Variants in IL12RB1 observed in about 807,000 individuals in gnomAD.
IL12RB1 encodes the protein interleukin 12 receptor subunit beta 1.
In IL12RB1, 64 loss-of-function variants were observed where a neutral mutation model predicts 94.4. That is an observed-to-expected ratio of 0.68 (90% CI 0.55 to 0.83). The LOEUF (loss-of-function observed/expected upper bound fraction) is 0.83, where lower values mean the gene tolerates loss of function less well. Among genes scored for constraint, IL12RB1 ranks in the 40% least tolerant of loss-of-function variants. IL12RB1 has a pLI of 0.00. For synonymous variants in IL12RB1, 362 were observed against 355.5 expected (o/e 1.02, Z -0.21); for missense variants, 814 against 855.6 (o/e 0.95, Z 0.61).
At chr19:18,076,763 G>C (rs2035509923) in intron 5 of IL12RB1, among the ~76,000 whole-genome samples, 1 of 152,040 alleles carries the variant, frequency 6.6e-6, no homozygotes, top group East Asian at 1.9e-4. Context: ...TTAATTACTA[G>C]AGAACCTTCT....
In IL12RB1 at chr19:18,086,811, C is replaced by A. The variant is rs1568526239; in HGVS notation, c.13G>T (p.Val5Leu). ...AAGAGGAGGGGGACCACCCAGGTCA[C>A]CAGCGGCTCCATCGGATCCACGTAG... Reference protein sequence around the residue: MEPLVTWVVPLLFLF... With the variant: MEPLLTWVVPLLFLF... Residue 5 changes from valine to leucine, a missense_variant, in exon 1 of 17, where the codon GTG becomes TTG. By Grantham distance (32) the Val-to-Leu change is conservative (BLOSUM62 1). Transcript: ENST00000593993. 6.2e-7 allele frequency: 1 copy of A among 1,611,184 alleles called. No individual in the cohort carries two copies. Among genetic ancestry groups the A allele is most frequent in the Non-Finnish European group, 8.5e-7 (1 of 1,179,176 alleles).
At chr19:18,075,407 C>T (rs2035392786) in intron 7 of IL12RB1, among the ~76,000 whole-genome samples, 1 of 151,306 alleles carries the variant, frequency 6.6e-6, no homozygotes, top group African/African-American at 2.4e-5. Flanking sequence ...ATTACAGGCT[C>T]CCGCCACCAC....
chr19:18,086,882 G>A lies in IL12RB1; in HGVS notation c.-59C>T. Reference sequence around the variant, plus strand: ...GCCTCTCTGCCACCTGCGAGGTTCAGCCACCCCGTCCCCACTCCGGAACAC... The same window carrying A: ...GCCTCTCTGCCACCTGCGAGGTTCAACCACCCCGTCCCCACTCCGGAACAC... On this transcript the variant is annotated 5_prime_UTR_variant, in exon 1 of 17. Transcript: ENST00000593993. The A allele has an allele frequency of 1.9e-6, 3 of 1,582,948 alleles. No individual in the cohort carries two copies. Among genetic ancestry groups the A allele is most frequent in the Non-Finnish European group, 2.6e-6 (3 of 1,163,860 alleles).
At position 18,082,173 on chromosome 19, in the gene IL12RB1, C is replaced by G. The variant is rs1244237988; in HGVS notation, c.216G>C (p.Gly72=). ...CSWQYEGPTA[G]VSHFLRCCLS... is the part of the protein sequence containing the mutation. ...ACCAACACCGCAGGAAGTGGCTGAC[C>G]CCAGCTGTGGGACCCTCATACTGCC... The change falls in exon 3 of 17, where the codon GGG becomes GGC. Residue 72 remains glycine, a synonymous_variant. Coordinates refer to ENST00000593993, the MANE Select transcript of IL12RB1 (RefSeq NM_005535.3). The G allele has an allele frequency of 6.2e-7, 1 of 1,612,196 alleles. No individual in the cohort carries two copies. The highest frequency in any genetic ancestry group is 1.7e-5 in the Admixed American group (1 of 59,974).
intron 14 of IL12RB1, among the ~76,000 whole-genome samples, chr19:18,061,642 C>T (rs1026207440): frequency 4.6e-5 from 7 of 152,036 alleles, no homozygotes; most frequent in African/African-American, 1.7e-4. Context: ...CATAGGATCA[C>T]CTGAGGTCAG....
intron 1 of IL12RB1, among the ~76,000 whole-genome samples, chr19:18,096,084 C>T (rs1181666999): frequency 1.3e-5 from 2 of 151,988 alleles, no homozygotes; most frequent in Non-Finnish European, 2.9e-5. Context: ...AAAAATTAGC[C>T]AGGCATGGTG....
At chr19:18,064,130 C>CTTTA in intron 12 of IL12RB1, 120 bp from the exon 13 acceptor site, 1 of 461,898 alleles carries the variant, frequency 2.2e-6, no homozygotes, top group Non-Finnish European at 3.9e-6. Flanking sequence ...AATCTCTACT[C>CTTTA]TTTCTTTCTT....
chr19:18,076,403 T>G, intron 5 of IL12RB1, 76 bp from the exon 6 acceptor site: 1 of 766,180 alleles, frequency 1.3e-6, no homozygotes, highest in South Asian at 1.4e-5. Context: ...AATTAGTTAT[T>G]TATTTACTTA....
At chr19:18,090,695 G>A (rs1257192151), upstream of IL12RB1, 1 of 152,394 alleles carries the variant, frequency 6.6e-6, no homozygotes, top group Non-Finnish European at 1.5e-5. Flanking sequence ...TTGGCTTGCA[G>A]TGAGCGCTGT....
chr19:18,085,093 T>G (rs552270681), intron 1 of IL12RB1, among the ~76,000 whole-genome samples: 1 of 152,266 alleles, frequency 6.6e-6, no homozygotes, highest in African/African-American at 2.4e-5. Flanking sequence ...TGCCACAGTC[T>G]GCTAGGTGTG....
At chr19:18,060,315 C>T (rs1340152714) in intron 15 of IL12RB1, among the ~76,000 whole-genome samples, 8 of 152,130 alleles carry the variant, frequency 5.3e-5, no homozygotes, top group Admixed American at 2.6e-4. Flanking sequence ...CCCATCTCTA[C>T]TAAAAATACA....
chr19:18,088,342 C>T (rs184660708), upstream of IL12RB1, among the ~76,000 whole-genome samples: 157 of 149,800 alleles, frequency 1.0e-3, 2 homozygotes, highest in Middle Eastern at 3.4e-3. Flanking sequence ...GCCGAGATCG[C>T]GCCACTGCAC....
At position 18,059,901 on chromosome 19, in the gene IL12RB1, T is replaced by G; in HGVS notation, c.1976A>C (p.Lys659Thr). Residue 659 changes from lysine to threonine, a missense_variant, in exon 16 of 17, where the codon AAG becomes ACG. Coordinates refer to ENST00000593993, the MANE Select transcript of IL12RB1 (RefSeq NM_005535.3). ...CCCACTGGGCCCCAGGACCTTGGCC[T>G]TGCACCTGTCTCCATCCTCCAAGGA... ...ELSLEDGDRC[K>T]AKM The G allele has an allele frequency of 6.4e-7, 1 of 1,572,452 alleles. No individual in the cohort carries two copies. The highest frequency in any genetic ancestry group is 8.6e-7 in the Non-Finnish European group (1 of 1,157,662).
At chr19:18,074,969 G>A (rs1302163911) in intron 7 of IL12RB1, among the ~76,000 whole-genome samples, 2 of 148,278 alleles carry the variant, frequency 1.3e-5, no homozygotes, top group Non-Finnish European at 3.0e-5. Context: ...GGACAATGGC[G>A]TGAACCCGGG....
intron 7 of IL12RB1, among the ~76,000 whole-genome samples, chr19:18,075,158 G>A (rs1385502891): frequency 6.6e-6 from 1 of 151,634 alleles, no homozygotes; most frequent in Non-Finnish European, 1.5e-5. Flanking sequence ...CAGGGTTTGA[G>A]CACCCATTTC....
chr19:18,061,206 G>T lies in IL12RB1; in HGVS notation c.1716-9C>A. On this transcript the variant is annotated splice_polypyrimidine_tract_variant and intron_variant, in intron 14 of 16. Coordinates refer to ENST00000593993, the MANE Select transcript of IL12RB1 (RefSeq NM_005535.3). ...ACAGGTGCCGTGCGGCCCTGGGGAGGAAAGGGGACCAGTGAGAGGAGCTGA... is the reference window on the plus strand; with the variant it reads ...ACAGGTGCCGTGCGGCCCTGGGGAGTAAAGGGGACCAGTGAGAGGAGCTGA... 1 of 1,486,614 alleles carries T rather than the reference G, an allele frequency of 6.7e-7. No homozygotes were observed. Among genetic ancestry groups the T allele is most frequent in the Non-Finnish European group, 9.2e-7 (1 of 1,084,024 alleles). The allele number at this position is 1,486,614 out of a possible 1,614,324, so 92.1% of individuals were successfully genotyped here. A position where few individuals can be genotyped will look rare whatever the true frequency, so the allele number is the denominator to read the frequency against.
chr19:18,093,342 A>ATATATATATATATATATATT (rs770713233), intron 1 of IL12RB1, among the ~76,000 whole-genome samples: 35 of 149,828 alleles, frequency 2.3e-4, no homozygotes, highest in African/African-American at 8.0e-4. Flanking sequence ...ATATATATAT[A>ATATATATATATATATATATT]TATATACTTG....
rs1195319275 is a variant in IL12RB1, at chr19:18,086,773, C to A, written c.51G>T (p.Leu17=). Residue 17 remains leucine, a synonymous_variant, in exon 1 of 17, where the codon CTG becomes CTT. Coordinates refer to ENST00000593993, the MANE Select transcript of IL12RB1 (RefSeq NM_005535.3). ...CAGGGGACTCACCGCCCTGCCTGGA[C>A]AGCAGGAAGAGGAAGAGGAGGGGGA... is the stretch of plus-strand genomic sequence containing the variant. ...WVVPLLFLFL[L]SRQGAACRTS... 1.9e-6 allele frequency: 3 copies of A among 1,611,224 alleles called. No homozygotes were observed. The African/African-American group carries it at 4.0e-5, about 22-fold the overall frequency.
At chr19:18,061,755 T>C (rs17878305) in intron 14 of IL12RB1, among the ~76,000 whole-genome samples, 8 of 151,550 alleles carry the variant, frequency 5.3e-5, no homozygotes, top group Non-Finnish European at 7.4e-5. Flanking sequence ...CCCAGCTACT[T>C]GGGAGGCTGA....
Sources: gnomAD v4.1 joint callset for allele counts (sites outside exome capture counted in the v4.1 genomes callset) on GRCh38, gnomAD v4.1.1 for gene constraint, MANE v1.5 for transcripts, NCBI Gene and HGNC (gene_info 2026-07-23, HGNC 2026-07-21) for gene names.